The following SVOPL variants were observed in gnomAD, a reference collection of about 807,000 sequenced individuals.
SVOPL encodes the protein putative transporter SVOPL.
Under a neutral mutation model 61.0 loss-of-function variants are expected in SVOPL, and 60 were observed. The observed-to-expected ratio is 0.98, with a 90% CI of 0.80 to 1.22. SVOPL has a LOEUF of 1.22. Among genes scored for constraint, SVOPL ranks in the 50% most tolerant of loss-of-function variants. The pLI, the probability that SVOPL is intolerant of heterozygous loss-of-function variation, is 0.00. For missense variants in SVOPL, 662 were observed against 643.9 expected (o/e 1.03, Z -0.30); for synonymous variants, 279 against 250.0 (o/e 1.12, Z -1.09).
chr7:138,596,172 G>A (rs1451212628), intron 15 of SVOPL, among the ~76,000 whole-genome samples: 1 of 133,290 alleles, frequency 7.5e-6, no homozygotes, highest in African/African-American at 2.8e-5. Flanking sequence ...CTGGGCAACA[G>A]AGTCAGACTC....
chr7:138,598,603 G>A (rs577243790), intron 14 of SVOPL, among the ~76,000 whole-genome samples: 90 of 152,194 alleles, frequency 5.9e-4, no homozygotes, highest in Non-Finnish European at 1.9e-4. Context: ...TAAAAGAATT[G>A]AAATCATAGA....
intron 9 of SVOPL, among the ~76,000 whole-genome samples, chr7:138,630,595 G>T (rs563975311): frequency 3.3e-5 from 5 of 152,310 alleles, no homozygotes; most frequent in African/African-American, 1.2e-4. Flanking sequence ...TCTAAGGGGG[G>T]TAGTTAGCAA....
chr7:138,621,518 T>C (rs894088682), intron 13 of SVOPL, among the ~76,000 whole-genome samples: 4 of 152,200 alleles, frequency 2.6e-5, no homozygotes, highest in African/African-American at 7.2e-5. Context: ...AAGTCTTCAA[T>C]ACAAATACAG....
intron 12 of SVOPL, among the ~76,000 whole-genome samples, chr7:138,627,135 C>A (rs2116908113): frequency 6.6e-6 from 1 of 152,226 alleles, no homozygotes; most frequent in Non-Finnish European, 1.5e-5. Context: ...CATTGGCACC[C>A]ATAATCCTGT....
At position 138,665,526 on chromosome 7, in the gene SVOPL, C is replaced by T. The variant is rs578161401; in HGVS notation, c.274-2381G>A. Among the ~76,000 whole-genome samples the T allele has an allele frequency of 7.2e-5, 11 of 152,150 alleles. No homozygotes were observed. The South Asian group carries it at 2.3e-3, about 32-fold the overall frequency. ...ATGGCCTAATGAGGGAGATTGTGTA[C>T]CTGCTGGAAGGAGCCTCTGTAGGCA... On this transcript the variant is annotated intron_variant, in intron 4 of 15. Transcript: ENST00000674285.
At chr7:138,611,914 A>ACCGGGCCATGATG in intron 14 of SVOPL, among the ~76,000 whole-genome samples, 1 of 23,638 alleles carries the variant, frequency 4.2e-5, no homozygotes, top group East Asian at 7.8e-4. Flanking sequence ...GCTCATTGAG[A>ACCGGGCCATGATG]ACGGGCCAGG....
At chr7:138,687,482 C>T (rs1028735183) in intron 1 of SVOPL, among the ~76,000 whole-genome samples, 1 of 151,558 alleles carries the variant, frequency 6.6e-6, no homozygotes, top group African/African-American at 2.4e-5. Flanking sequence ...GTGATCCGGC[C>T]AACCTCAGCC....
At chr7:138,628,489 C>T (rs531084949) in intron 10 of SVOPL, 126 bp from the exon 11 acceptor site, 35 of 905,800 alleles carry the variant, frequency 3.9e-5, no homozygotes, top group African/African-American at 6.6e-5. Context: ...CAGGCTCAGA[C>T]GCCACACAGA....
intron 1 of SVOPL, chr7:138,689,621 G>A (rs1802895395): frequency 1.3e-5 from 5 of 389,896 alleles, no homozygotes; most frequent in South Asian, 9.8e-5. Flanking sequence ...CACTTTGGGA[G>A]GCTGAGGTGG....
intron 1 of SVOPL, among the ~76,000 whole-genome samples, chr7:138,697,599 C>T (rs1803090235): frequency 1.9e-5 from 2 of 107,232 alleles, no homozygotes; most frequent in African/African-American, 7.9e-5. Context: ...GCAACAGAGG[C>T]AGACCCTGCC....
chr7:138,678,176 TC>T (rs113125367), intron 3 of SVOPL, among the ~76,000 whole-genome samples: 35 of 151,940 alleles, frequency 2.3e-4, no homozygotes, highest in South Asian at 8.3e-4. Context: ...AGCCTGAAAG[TC>T]CCCCCTCCCC....
At chr7:138,668,418 G>C (rs923648933) in intron 4 of SVOPL, among the ~76,000 whole-genome samples, 5 of 152,142 alleles carry the variant, frequency 3.3e-5, no homozygotes, top group Non-Finnish European at 4.4e-5. Context: ...GAACCCGCTG[G>C]GCTGTTACAT....
intron 14 of SVOPL, among the ~76,000 whole-genome samples, chr7:138,605,640 CAAAAAAAAAAAA>C (rs1159063438): frequency 5.9e-5 from 5 of 84,288 alleles, no homozygotes; most frequent in African/African-American, 2.0e-4. Context: ...CTAACCTGGG[CAAAAAAAAAAAA>C]AAAAAAAATA....
intron 14 of SVOPL, among the ~76,000 whole-genome samples, chr7:138,610,393 G>A (rs1174889946): frequency 6.6e-6 from 1 of 151,306 alleles, no homozygotes; most frequent in Non-Finnish European, 1.5e-5. Flanking sequence ...CAATGTATAT[G>A]CATATTTATA....
At chr7:138,675,269 T>TA (rs1381408411) in intron 3 of SVOPL, among the ~76,000 whole-genome samples, 14 of 151,774 alleles carry the variant, frequency 9.2e-5, no homozygotes, top group Non-Finnish European at 1.6e-4. Flanking sequence ...GAAAAAAAAA[T>TA]AGACTGTTGC....
At chr7:138,595,431 T>C (rs1798240411) in intron 15 of SVOPL, among the ~76,000 whole-genome samples, 1 of 152,188 alleles carries the variant, frequency 6.6e-6, no homozygotes, top group Non-Finnish European at 1.5e-5. Flanking sequence ...CTATAAACAA[T>C]CATGCAGAAT....
At chr7:138,636,242 T>G (rs1800462590) in intron 9 of SVOPL, among the ~76,000 whole-genome samples, 1 of 152,104 alleles carries the variant, frequency 6.6e-6, no homozygotes, top group Non-Finnish European at 1.5e-5. Context: ...AATAATAATT[T>G]TTAAAATTCT....
intron 6 of SVOPL, among the ~76,000 whole-genome samples, chr7:138,656,780 C>T (rs977739603): frequency 1.3e-5 from 2 of 152,140 alleles, no homozygotes; most frequent in African/African-American, 4.8e-5. Flanking sequence ...TGGTGGCTCA[C>T]ACCTGTAATC....
intron 1 of SVOPL, among the ~76,000 whole-genome samples, chr7:138,696,190 C>T (rs980956599): frequency 6.6e-6 from 1 of 152,064 alleles, no homozygotes; most frequent in African/African-American, 2.4e-5. Flanking sequence ...TGACATGTTG[C>T]CCACAGTGCT....
Sources: allele counts gnomAD v4.1 joint callset (sites outside exome capture counted in the v4.1 genomes callset), GRCh38; gene constraint gnomAD v4.1.1; transcripts MANE v1.5; gene names NCBI Gene and HGNC (gene_info 2026-07-23, HGNC 2026-07-21).